Variants in PDE5A observed in about 807,000 individuals in gnomAD.
PDE5A encodes the protein phosphodiesterase 5A, also known as cGMP-specific 3',5'-cyclic phosphodiesterase.
Under a neutral mutation model 110.2 loss-of-function variants are expected in PDE5A, and 67 were observed. That is an observed-to-expected ratio of 0.61 (90% confidence interval 0.50 to 0.75). The LOEUF is 0.75. PDE5A is among the 30% of genes least tolerant of loss of function. The pLI is 0.00. For missense variants in PDE5A, 862 were observed against 1,045.1 expected, an observed-to-expected ratio of 0.82 and a Z score of 2.42; for synonymous variants, 328 against 351.2, an observed-to-expected ratio of 0.93 and a Z score of 0.74.
intron 2 of PDE5A, among the ~76,000 whole-genome samples, chr4:119,599,159 C>G (rs1729252937): frequency 6.6e-6 from 1 of 152,056 alleles, no homozygotes; most frequent in Non-Finnish European, 1.5e-5. Context: ...TAAGACCAAG[C>G]CTGACAGGAT....
chr4:119,558,873 C>G (rs558101695), intron 7 of PDE5A, among the ~76,000 whole-genome samples: 6 of 145,316 alleles, frequency 4.1e-5, no homozygotes, highest in Admixed American at 2.8e-4. Flanking sequence ...GCCGAGATCC[C>G]GCCACTGCAC....
Position 119,627,249 on chromosome 4 carries a change from G to C in PDE5A, c.152+1271C>G, listed in dbSNP as rs560178804. The C allele has an allele frequency of 1.2e-6, 2 of 1,603,862 alleles. No individual in the cohort carries two copies. The highest frequency in any genetic ancestry group is 8.5e-7 in the Non-Finnish European group (1 of 1,174,732). ...GGAGGCTCCGTAGGGGCAACAACGC[G>C]CGCAGGTGAGGTGAGGTGAGGTCGG... On this transcript the variant is annotated intron_variant, in intron 1 of 20. Transcript: ENST00000354960. This position sits in a 1 kb window ranked among gnomAD's most constrained non-coding sequence, Gnocchi z 4.6.
At chr4:119,586,843 C>A (rs1728782012) in intron 3 of PDE5A, among the ~76,000 whole-genome samples, 1 of 152,036 alleles carries the variant, frequency 6.6e-6, no homozygotes, top group Non-Finnish European at 1.5e-5. Context: ...CAGTATGAAC[C>A]AAATTTTCTT....
rs1225710071 is a variant in PDE5A at position 119,627,364 on chromosome 4, G to A, written c.152+1156C>T. ...CCCGCGCTGCGCCGCCCCCTGGCGG[G>A]GAGCGACCGGCAGAGCCGCGGCCGC... On this transcript the variant is annotated intron_variant, in intron 1 of 20. Transcript: ENST00000354960. The surrounding 1 kb of genome is among the most constrained non-coding windows in gnomAD (Gnocchi z 4.6). The A allele has an allele frequency of 7.1e-6, 7 of 980,310 alleles. No individual in the cohort carries two copies. The highest frequency in any genetic ancestry group is 1.8e-5 in the African/African-American group (1 of 56,882). The allele number at this position is 980,310 out of a possible 1,614,324, so 60.7% of individuals were successfully genotyped here. A position where few individuals can be genotyped will look rare whatever the true frequency, so the allele number is the denominator to read the frequency against.
Position 119,496,575 on chromosome 4 carries a change from C to T in PDE5A, c.*2026G>A, listed in dbSNP as rs900929796. 1.3e-5 allele frequency: 2 copies of T among 152,492 alleles called. No homozygotes were observed. The highest frequency in any genetic ancestry group is 6.6e-5 in the Admixed American group (1 of 15,250). 9.4% of individuals were successfully genotyped at this position (152,492 alleles called of 1,614,324 possible). The stretch of plus-strand genomic sequence containing the variant: ...TTAAAAAATTTCTCAGTGACACATA[C>T]TAGAGGGGACCAAACAAACTACTAA... On this transcript the variant is annotated 3_prime_UTR_variant, in exon 21 of 21. Transcript: ENST00000354960.
chr4:119,534,229 G>A (rs1167689492), intron 11 of PDE5A, among the ~76,000 whole-genome samples: 2 of 152,110 alleles, frequency 1.3e-5, no homozygotes, highest in Non-Finnish European at 2.9e-5. Context: ...GATGCCTTGG[G>A]GCTTCCCAAC....
chr4:119,613,460 C>G (rs1729827093), intron 1 of PDE5A, among the ~76,000 whole-genome samples: 1 of 151,910 alleles, frequency 6.6e-6, no homozygotes, highest in Non-Finnish European at 1.5e-5. Flanking sequence ...ATGAGCAACT[C>G]CAGAAAAATT....
chr4:119,502,490 TAAGGA>T (rs1560592581), intron 19 of PDE5A, 86 bp downstream of exon 19: 7 of 722,162 alleles, frequency 9.7e-6, no homozygotes, highest in South Asian at 1.8e-5. Flanking sequence ...ATTGTGGTCC[TAAGGA>T]AAGATCCCAT....
At chr4:119,575,406 GA>G (rs1578790591) in intron 3 of PDE5A, among the ~76,000 whole-genome samples, 1 of 152,170 alleles carries the variant, frequency 6.6e-6, no homozygotes, top group East Asian at 1.9e-4. Context: ...AAGTTAAAAT[GA>G]AGGAAAAAAT....
In PDE5A at chr4:119,627,944, C is replaced by A; in HGVS notation, c.152+576G>T. On this transcript the variant is annotated intron_variant, in intron 1 of 20. Coordinates refer to ENST00000354960, the MANE Select transcript of PDE5A (RefSeq NM_001083.4). The surrounding 1 kb of genome is among the most constrained non-coding windows in gnomAD (Gnocchi z 4.6). ...CGGCGGAAAAGCGAGTGAAAGGAGG[C>A]GCGCGGGACAAGCAGGAGACTGGAA... 1 of 590,490 alleles carries A rather than the reference C, an allele frequency of 1.7e-6. No individual in the cohort carries two copies. Among genetic ancestry groups the A allele is most frequent in the Non-Finnish European group, 2.1e-6 (1 of 468,394 alleles). The allele number at this position is 590,490 out of a possible 1,614,324, so 36.6% of individuals were successfully genotyped here. A position where few individuals can be genotyped will look rare whatever the true frequency, so the allele number is the denominator to read the frequency against.
chr4:119,511,608 A>T (rs1265896426), intron 14 of PDE5A, among the ~76,000 whole-genome samples: 1 of 152,112 alleles, frequency 6.6e-6, no homozygotes, highest in East Asian at 1.9e-4. Context: ...ACTGACTGAG[A>T]TGGAATTAAC....
intron 1 of PDE5A, among the ~76,000 whole-genome samples, chr4:119,619,249 A>T (rs1163101298): frequency 6.6e-6 from 1 of 152,170 alleles, no homozygotes; most frequent in African/African-American, 2.4e-5. Context: ...TTTGACCTGG[A>T]TCCACTACTC....
intron 1 of PDE5A, among the ~76,000 whole-genome samples, chr4:119,617,084 G>GA (rs926694108): frequency 1.3e-5 from 2 of 151,934 alleles, no homozygotes; most frequent in African/African-American, 4.8e-5. Context: ...AATATTCATT[G>GA]AAAAAAATGA....
intron 12 of PDE5A, among the ~76,000 whole-genome samples, chr4:119,523,441 T>A (rs1220058077): frequency 1.3e-5 from 2 of 152,188 alleles, no homozygotes; most frequent in African/African-American, 4.8e-5. Flanking sequence ...TTAACATTTT[T>A]ATTTCATCAT....
intron 9 of PDE5A, 154 bp downstream of exon 9, chr4:119,552,396 T>G (rs1727387421): frequency 2.4e-6 from 1 of 416,708 alleles, no homozygotes; most frequent in South Asian, 5.4e-5. Context: ...TTAACAAATG[T>G]CTGTTGGTAT....
chr4:119,591,986 C>G (rs1196756646), intron 3 of PDE5A, among the ~76,000 whole-genome samples: 1 of 150,896 alleles, frequency 6.6e-6, no homozygotes, highest in Non-Finnish European at 1.5e-5. Context: ...CCCATCTCTA[C>G]TAAAAATACA....
intron 7 of PDE5A, among the ~76,000 whole-genome samples, chr4:119,554,850 A>G (rs1727484673): frequency 6.6e-6 from 1 of 152,216 alleles, no homozygotes; most frequent in Admixed American, 6.5e-5. Flanking sequence ...GTGGATGTGC[A>G]TAGGTTATAG....
At chr4:119,516,344 G>A (rs1725906065) in intron 14 of PDE5A, among the ~76,000 whole-genome samples, 1 of 152,178 alleles carries the variant, frequency 6.6e-6, no homozygotes. Flanking sequence ...TTTCTGCCTT[G>A]CAAAGGGCAA....
intron 15 of PDE5A, 98 bp from the exon 16 acceptor site, chr4:119,507,802 T>A: frequency 1.4e-6 from 1 of 736,068 alleles, no homozygotes; most frequent in Non-Finnish European, 2.3e-6. Flanking sequence ...ACATGCCCAG[T>A]ATTCTAATGA....
Sources: allele counts gnomAD v4.1 joint callset (sites outside exome capture counted in the v4.1 genomes callset), GRCh38; gene constraint gnomAD v4.1.1; non-coding constraint Gnocchi (gnomAD v3.1); transcripts MANE v1.5; gene names NCBI Gene and HGNC (gene_info 2026-07-23, HGNC 2026-07-21).